The following HK1 variants were observed in gnomAD, a reference collection of about 807,000 sequenced individuals.
The protein encoded by HK1 is hexokinase-1.
A neutral mutation model predicts 91.6 loss-of-function variants in HK1; 28 were observed. That is an observed-to-expected ratio of 0.31 (90% CI 0.23 to 0.42). The LOEUF (loss-of-function observed/expected upper bound fraction) is 0.42. HK1 is among the 10% of genes least tolerant of loss of function. HK1 has a pLI of 1.00. For synonymous variants in HK1, 430 were observed against 468.1 expected (o/e 0.92, Z 1.05); for missense variants, 770 against 1,219.8 (o/e 0.63, Z 5.49).
chr10:69,393,413 C>T lies in HK1; in HGVS notation c.2219+1105C>T, dbSNP rs559566682. Among the ~76,000 whole-genome samples, 37 of 152,092 alleles carry T rather than the reference C, an allele frequency of 2.4e-4. 2 individuals are homozygous for T. The South Asian group carries it at 5.6e-3, about 23-fold the overall frequency. On this transcript the variant is annotated intron_variant, in intron 15 of 17. Transcript: ENST00000359426. ...CTGGGTTCAAGTGATTCTCCTGCCT[C>T]AGCCTCCCAGGTAGCTGGGATTACA... is the stretch of plus-strand genomic sequence containing the variant.
chr10:69,394,959 G>A lies in HK1; in HGVS notation c.2229G>A (p.Lys743=), dbSNP rs376319787. The part of the protein sequence containing the change: ...SLNAGKQRYE[K]MISGMYLGEI... ...CCTCCTCCTGTCTCAGGTATGAGAAGATGATCAGTGGTATGTACCTGGGTG... is the reference window on the plus strand; with the variant it reads ...CCTCCTCCTGTCTCAGGTATGAGAAAATGATCAGTGGTATGTACCTGGGTG... The change falls in exon 16 of 18, where the codon AAG becomes AAA. Residue 743 remains lysine (K), a synonymous_variant. Transcript: ENST00000359426. The A allele has an allele frequency of 1.2e-6, 2 of 1,614,058 alleles. No individual in the cohort carries two copies. The highest frequency in any genetic ancestry group is 2.7e-5 in the African/African-American group (2 of 74,914).
At chr10:69,335,743 C>T (rs1208755863) in intron 1 of HK1, among the ~76,000 whole-genome samples, 1 of 152,162 alleles carries the variant, frequency 6.6e-6, no homozygotes, top group Non-Finnish European at 1.5e-5. Flanking sequence ...AGGTCAAAGT[C>T]ATAGGAACGC....
At chr10:69,303,823 T>C (rs1444089553) in intron 5 of HK1, among the ~76,000 whole-genome samples, 1 of 152,248 alleles carries the variant, frequency 6.6e-6, no homozygotes, top group African/African-American at 2.4e-5. Flanking sequence ...GGTTTTACTA[T>C]TACTCAAATC....
In HK1 at chr10:69,309,107, C is replaced by T. The variant is rs368412524; in HGVS notation, c.27+8246C>T. ...GGAGGATTGCTTGAGCCCAGGAGTTCGAGATTGCAGTGAGCTATGATCATA... is the reference window on the plus strand; with the variant it reads ...GGAGGATTGCTTGAGCCCAGGAGTTTGAGATTGCAGTGAGCTATGATCATA... On this transcript the variant is annotated intron_variant, in intron 5 of 21. Transcript: ENST00000360289. 4.6e-5 allele frequency among the ~76,000 whole-genome samples: 7 copies of T among 152,098 alleles called. No homozygotes were observed. In the East Asian group the frequency reaches 5.8e-4, roughly 13 times the overall value.
intron 1 of HK1, among the ~76,000 whole-genome samples, chr10:69,340,993 C>T (rs752731541): frequency 2.3e-4 from 35 of 152,072 alleles, no homozygotes; most frequent in Non-Finnish European, 4.3e-4. Flanking sequence ...AGGAAGCCTT[C>T]TCTCCCATGC....
At chr10:69,288,348 G>T (rs941174326) in intron 2 of HK1, among the ~76,000 whole-genome samples, 1 of 151,950 alleles carries the variant, frequency 6.6e-6, no homozygotes, top group Non-Finnish European at 1.5e-5. Flanking sequence ...AGTAGCTCAG[G>T]CCTGTAACCC....
At chr10:69,320,924 C>T (rs765165305) in intron 1 of HK1, among the ~76,000 whole-genome samples, 5 of 152,114 alleles carry the variant, frequency 3.3e-5, no homozygotes, top group Non-Finnish European at 7.4e-5. Context: ...ATCTCCTAGG[C>T]CCCCGTAGGT....
intron 5 of HK1, among the ~76,000 whole-genome samples, chr10:69,303,314 A>G (rs1476461415): frequency 6.6e-6 from 1 of 152,160 alleles, no homozygotes; most frequent in African/African-American, 2.4e-5. Context: ...TTTAATTAGA[A>G]TAACACACAT....
intron 4 of HK1, 73 bp from the exon 5 acceptor site, chr10:69,368,463 G>C: frequency 7.6e-7 from 1 of 1,309,592 alleles, no homozygotes; most frequent in Non-Finnish European, 1.1e-6. Context: ...CCCTGTCCTG[G>C]AGCAATGCCC....
At chr10:69,397,982 T>C (rs1217608002) in intron 16 of HK1, among the ~76,000 whole-genome samples, 2 of 152,252 alleles carry the variant, frequency 1.3e-5, no homozygotes, top group Non-Finnish European at 2.9e-5. Context: ...AATACTCTGC[T>C]GAAGAGTAAA....
At chr10:69,287,108 A>G (rs1845069313) in intron 2 of HK1, among the ~76,000 whole-genome samples, 1 of 152,224 alleles carries the variant, frequency 6.6e-6, no homozygotes, top group Admixed American at 6.5e-5. Context: ...AAAAGAAAAG[A>G]AAGAAAAAGA....
chr10:69,283,044 T>C (rs532283131), intron 2 of HK1, among the ~76,000 whole-genome samples: 4 of 147,080 alleles, frequency 2.7e-5, no homozygotes, highest in African/African-American at 1.0e-4. Context: ...GAGAATCGCT[T>C]GAACCCAGGA....
At chr10:69,330,542 C>A (rs551524655) in intron 1 of HK1, among the ~76,000 whole-genome samples, 4 of 151,978 alleles carry the variant, frequency 2.6e-5, no homozygotes, top group African/African-American at 4.8e-5. Context: ...CTCCAGACTC[C>A]AAAGCCATTG....
At chr10:69,352,284 C>A (rs1021266498) in intron 2 of HK1, among the ~76,000 whole-genome samples, 1 of 152,068 alleles carries the variant, frequency 6.6e-6, no homozygotes, top group Non-Finnish European at 1.5e-5. Flanking sequence ...TGAGCCACTG[C>A]GCCCGGCTGA....
intron 5 of HK1, among the ~76,000 whole-genome samples, 161 bp downstream of exon 5, chr10:69,368,792 G>C (rs1424660655): frequency 2.6e-5 from 4 of 152,168 alleles, no homozygotes; most frequent in Middle Eastern, 3.4e-3. Context: ...GATGAGGATG[G>C]GGATGGTGCA....
rs1846848971 is a variant in HK1, at chr10:69,319,092, C to G, written c.63+82C>G. On this transcript the variant is annotated intron_variant, in intron 1 of 17. Coordinates refer to ENST00000359426, the MANE Select transcript of HK1 (RefSeq NM_000188.3). ...CGCTCGCCGCCTCCGCTGCCTCCAT[C>G]CTCCGGCGCCCGGCCTTCTCCGGGC... The G allele has an allele frequency of 8.8e-6, 13 of 1,482,650 alleles. No individual in the cohort carries two copies. In the South Asian group the frequency reaches 1.6e-4, roughly 18 times the overall value. The allele number at this position is 1,482,650 out of a possible 1,614,324, so 91.8% of individuals were successfully genotyped here.
chr10:69,300,415 T>C (rs1845801333), intron 4 of HK1: 1 of 651,464 alleles, frequency 1.5e-6, no homozygotes, highest in Non-Finnish European at 2.6e-6. Flanking sequence ...TATTTGTAAA[T>C]ATGTATAACA....
At chr10:69,276,870 G>A (rs1221934151) in intron 1 of HK1, among the ~76,000 whole-genome samples, 1 of 150,956 alleles carries the variant, frequency 6.6e-6, no homozygotes, top group African/African-American at 2.4e-5. Flanking sequence ...TGGAAGCGAA[G>A]GATTGATAAA....
rs925322002 is a variant in HK1 at position 69,400,072 on chromosome 10, C to T, written c.2610-919C>T. ...ATACTCTTGGATTTAACCCTGGCACCGTCACTTAGAATCTGTGTGCAATTG... is the reference window on the plus strand; with the variant it reads ...ATACTCTTGGATTTAACCCTGGCACTGTCACTTAGAATCTGTGTGCAATTG... On this transcript the variant is annotated intron_variant, in intron 17 of 17. Transcript: ENST00000359426. 3.9e-5 allele frequency among the ~76,000 whole-genome samples: 6 copies of T among 152,180 alleles called. No homozygotes were observed. In the East Asian group the frequency reaches 5.8e-4, roughly 15 times the overall value.
Sources: gnomAD v4.1 joint callset for allele counts (sites outside exome capture counted in the v4.1 genomes callset) on GRCh38, gnomAD v4.1.1 for gene constraint, MANE v1.5 for transcripts, NCBI Gene and HGNC (gene_info 2026-07-23, HGNC 2026-07-21) for gene names.